RNF10: variants seen among roughly 807,000 people sequenced by gnomAD.
The protein encoded by RNF10 is E3 ubiquitin-protein ligase RNF10.
RNF10 carries 38 observed loss-of-function variants against 91.4 expected under a neutral mutation model. That is an observed-to-expected ratio of 0.42 (90% confidence interval 0.32 to 0.54). The LOEUF (loss-of-function observed/expected upper bound fraction) is 0.54, where lower values mean the gene tolerates loss of function less well. Among genes scored for constraint, RNF10 ranks in the 20% least tolerant of loss-of-function variants. The pLI, the probability that RNF10 is intolerant of heterozygous loss-of-function variation, is 0.16. For missense variants in RNF10, 945 were observed against 1,012.0 expected (o/e 0.93, Z 0.90); for synonymous variants, 364 against 366.3 (o/e 0.99, Z 0.07).
At chr12:120,539,488 T>C in intron 1 of RNF10, 5 of 1,181,784 alleles carry the variant, frequency 4.2e-6, no homozygotes, top group Non-Finnish European at 3.4e-6. Context: ...TTGCTTGTGA[T>C]TACAGCATGA....
intron 2 of RNF10, 100 bp from the exon 3 acceptor site, chr12:120,552,399 C>CAA (rs112757664): frequency 4.7e-5 from 39 of 827,738 alleles, no homozygotes; most frequent in Middle Eastern, 3.4e-4. Context: ...GACTCCGTCT[C>CAA]AAAAAAAAAA....
rs1227840265 is a variant in RNF10 at position 120,563,359 on chromosome 12, T to G, written c.1267T>G (p.Tyr423Asp). ...VFQPRKGVLE[Y>D]LSAFDEETTE... ...TTTGCTGCAACAGGGTGTGCTGGAG[T>G]ATCTGTCTGCCTTCGATGAAGAAAC... Residue 423 changes from tyrosine to aspartate, a missense_variant, in exon 9 of 17, where the codon TAT (tyrosine) becomes GAT (aspartate). Tyr to Asp is a radical substitution (Grantham distance 160, BLOSUM62 -3). Transcript: ENST00000325954. 4 of 1,611,204 alleles carry G rather than the reference T, an allele frequency of 2.5e-6. No homozygotes were observed. The highest frequency in any genetic ancestry group is 3.4e-6 in the Non-Finnish European group (4 of 1,179,300).
At chr12:120,560,176 A>T in intron 6 of RNF10, among the ~76,000 whole-genome samples, 2 of 133,134 alleles carry the variant, frequency 1.5e-5, no homozygotes, top group Non-Finnish European at 3.2e-5. Context: ...TTTGAGACAG[A>T]GTTTCGCTTT....
intron 13 of RNF10, chr12:120,570,194 T>A (rs1876422366): frequency 6.6e-6 from 1 of 151,270 alleles, no homozygotes; most frequent in East Asian, 1.9e-4. Flanking sequence ...CTTTTTTTTT[T>A]TTTTTTTTTT....
At chr12:120,540,484 C>T (rs1871394680) in intron 1 of RNF10, among the ~76,000 whole-genome samples, 1 of 152,156 alleles carries the variant, frequency 6.6e-6, no homozygotes, top group South Asian at 2.1e-4. Context: ...CGAGTTTTTC[C>T]CATGTATATC....
At chr12:120,563,190 A>C (rs1386716424) in intron 8 of RNF10, 120 bp downstream of exon 8, 1 of 1,503,196 alleles carries the variant, frequency 6.7e-7, no homozygotes, top group Non-Finnish European at 9.2e-7. Context: ...TATTTTCTGT[A>C]TGCTTGTTAT....
intron 1 of RNF10, chr12:120,539,521 C>A: frequency 1.2e-6 from 1 of 863,894 alleles, no homozygotes; most frequent in Non-Finnish European, 1.7e-6. Flanking sequence ...AACTTGCTGA[C>A]TGGTATTCTG....
intron 2 of RNF10, among the ~76,000 whole-genome samples, chr12:120,550,542 T>G (rs1484969948): frequency 6.6e-6 from 1 of 151,882 alleles, no homozygotes; most frequent in Non-Finnish European, 1.5e-5. Flanking sequence ...AGTCTTGGGC[T>G]TCCTGTGTTG....
chr12:120,549,157 G>A (rs886951073), intron 2 of RNF10, among the ~76,000 whole-genome samples: 6 of 152,104 alleles, frequency 3.9e-5, no homozygotes, highest in Non-Finnish European at 8.8e-5. Context: ...GTAACAAAAG[G>A]AAGGCCTGGT....
intron 12 of RNF10, 64 bp from the exon 13 acceptor site, chr12:120,566,761 C>CA (rs35194242): frequency 0.019 from 23,726 of 1,276,274 alleles, 19 homozygotes; most frequent in African/African-American, 0.048. Flanking sequence ...GACCCCATCT[C>CA]AAAAAAAAAA....
intron 1 of RNF10, among the ~76,000 whole-genome samples, chr12:120,538,866 G>A (rs1467537623): frequency 5.3e-5 from 8 of 152,182 alleles, no homozygotes; most frequent in Non-Finnish European, 5.9e-5. Context: ...GGTTACTAGT[G>A]GTAATCTGCC....
At chr12:120,565,395 G>T in intron 11 of RNF10, 33 bp from the exon 12 acceptor site, 2 of 1,594,596 alleles carry the variant, frequency 1.3e-6, no homozygotes, top group Non-Finnish European at 1.7e-6. Flanking sequence ...TGTTGTCCTG[G>T]GTCTACCTCT....
chr12:120,552,558 C>G lies in RNF10; in HGVS notation c.414C>G (p.Ile138Met), dbSNP rs560659785. 3.1e-6 allele frequency: 5 copies of G among 1,614,186 alleles called. No homozygotes were observed. The African/African-American group carries it at 5.3e-5, about 17-fold the overall frequency. The change falls in exon 3 of 17, where the codon ATC (isoleucine) becomes ATG (methionine). Residue 138 changes from isoleucine (I) to methionine (M), a missense_variant. Coordinates refer to ENST00000325954, the MANE Select transcript of RNF10 (RefSeq NM_014868.5). The part of the protein sequence containing the change: ...SPAQFSGPKK[I>M]NLNHLLNFTF... ...CCCAGTTCTCTGGTCCTAAGAAGATCAACCTGAACCACTTGTTGAATTTCA... is the reference window on the plus strand; with the variant it reads ...CCCAGTTCTCTGGTCCTAAGAAGATGAACCTGAACCACTTGTTGAATTTCA...
At chr12:120,546,312 A>G (rs966441066) in intron 1 of RNF10, 93 bp from the exon 2 acceptor site, 8 of 1,183,440 alleles carry the variant, frequency 6.8e-6, no homozygotes, top group African/African-American at 3.1e-5. Context: ...CAAAGGGCCT[A>G]TTCACCCTTA....
intron 7 of RNF10, among the ~76,000 whole-genome samples, chr12:120,562,311 G>A (rs1488819073): frequency 1.2e-4 from 14 of 115,532 alleles, no homozygotes; most frequent in Non-Finnish European, 3.3e-5. Context: ...TTTTGCTCTC[G>A]TTGCCCAGGC....
intron 1 of RNF10, among the ~76,000 whole-genome samples, chr12:120,535,782 C>T (rs1241861900): frequency 6.6e-6 from 1 of 152,118 alleles, no homozygotes; most frequent in Non-Finnish European, 1.5e-5. Flanking sequence ...TTGATAATAG[C>T]TACCTTTAAT....
At chr12:120,564,476 T>C (rs535432753) in intron 10 of RNF10, among the ~76,000 whole-genome samples, 1 of 151,954 alleles carries the variant, frequency 6.6e-6, no homozygotes, top group Admixed American at 6.6e-5. Flanking sequence ...CAAAAAAAAA[T>C]TAGCTGGGTA....
intron 1 of RNF10, among the ~76,000 whole-genome samples, chr12:120,536,100 G>A (rs1299057433): frequency 2.0e-5 from 3 of 152,132 alleles, no homozygotes; most frequent in African/African-American, 7.2e-5. Flanking sequence ...TGGAGGTCCA[G>A]TTTAAAACTT....
At chr12:120,538,902 T>TGG (rs1272228015) in intron 1 of RNF10, among the ~76,000 whole-genome samples, 3 of 152,180 alleles carry the variant, frequency 2.0e-5, no homozygotes, top group Non-Finnish European at 2.9e-5. Flanking sequence ...GAGCTGTAAA[T>TGG]GGACCTGGAG....
Sources: gnomAD v4.1 joint callset for allele counts (sites outside exome capture counted in the v4.1 genomes callset) on GRCh38, gnomAD v4.1.1 for gene constraint, MANE v1.5 for transcripts, NCBI Gene and HGNC (gene_info 2026-07-23, HGNC 2026-07-21) for gene names.